MYH15: variants seen among roughly 807,000 people sequenced by gnomAD.
MYH15 encodes the protein myosin heavy chain 15, also known as myosin-15.
In MYH15, 227 loss-of-function variants were observed where a neutral mutation model predicts 240.5. The observed-to-expected ratio is 0.94, with a 90% CI of 0.85 to 1.05. The LOEUF is 1.05. MYH15 is among the 50% of genes least tolerant of loss of function. The pLI, the probability that MYH15 is intolerant of heterozygous loss-of-function variation, is 0.00. For missense variants in MYH15, 2,217 were observed against 2,247.5 expected (o/e 0.99, Z 0.27); for synonymous variants, 785 against 796.7 (o/e 0.99, Z 0.25).
At chr3:108,522,525 G>T (rs2083628200) in intron 1 of MYH15, among the ~76,000 whole-genome samples, 1 of 152,040 alleles carries the variant, frequency 6.6e-6, no homozygotes, top group Admixed American at 6.6e-5. Context: ...GAATTCCATA[G>T]AATCTATGGA....
At chr3:108,463,307 G>A (rs771738077) in intron 15 of MYH15, 64 bp from the exon 16 acceptor site, 142 of 1,519,672 alleles carry the variant, frequency 9.3e-5, no homozygotes, top group Non-Finnish European at 1.2e-4. Context: ...AACATGGAAG[G>A]CTGTGCATTA....
At chr3:108,437,233 A>G (rs1353960459) in intron 25 of MYH15, among the ~76,000 whole-genome samples, 1 of 150,374 alleles carries the variant, frequency 6.7e-6, no homozygotes, top group African/African-American at 2.5e-5. Flanking sequence ...CGTCATGAGT[A>G]AAAAGAAGAG....
At chr3:108,436,858 T>C (rs1165668394) in intron 25 of MYH15, among the ~76,000 whole-genome samples, 2 of 152,024 alleles carry the variant, frequency 1.3e-5, no homozygotes, top group African/African-American at 2.4e-5. Flanking sequence ...CTAAATAAAT[T>C]GAAAATCCCT....
intron 29 of MYH15, 53 bp downstream of exon 29, chr3:108,416,759 T>A (rs527991755): frequency 2.5e-4 from 348 of 1,415,312 alleles, no homozygotes; most frequent in African/African-American, 1.2e-3. Flanking sequence ...CACTATTTTT[T>A]AAAAAAAAAA....
intron 34 of MYH15, 72 bp downstream of exon 34, chr3:108,399,003 G>A (rs2082484192): frequency 1.3e-6 from 2 of 1,513,276 alleles, no homozygotes; most frequent in Admixed American, 1.7e-5. Context: ...AACACAATCT[G>A]TTGCTTAGTT....
At chr3:108,416,620 G>A (rs531301699) in intron 29 of MYH15, among the ~76,000 whole-genome samples, 192 bp downstream of exon 29, 93 of 152,208 alleles carry the variant, frequency 6.1e-4, no homozygotes, top group African/African-American at 2.1e-3. Flanking sequence ...AACCTGCAAC[G>A]AAGCAATTTG....
At chr3:108,523,464 C>A (rs922638081) in intron 1 of MYH15, among the ~76,000 whole-genome samples, 1 of 151,800 alleles carries the variant, frequency 6.6e-6, no homozygotes, top group African/African-American at 2.4e-5. Context: ...CTTCCAAAAA[C>A]ATTAAAGAAT....
rs1223649976 is a variant in MYH15 at position 108,398,820 on chromosome 3, A to C, written c.4950T>G (p.Asp1650Glu). The change falls in exon 35 of 41, where the codon GAT (aspartate) becomes GAG (glutamate). Residue 1650 changes from aspartate (D) to glutamate (E), a missense_variant. By Grantham distance (45) the Asp-to-Glu change is conservative (BLOSUM62 2). Coordinates refer to ENST00000693548, the MANE Select transcript of MYH15 (RefSeq NM_014981.3). ...GATCACTGTTCAGTTGTGTGCTGTC[A>C]TCCAGCTGCATTTGAAGGTCCTGGG... ...IQIKDLQMQL[D>E]DSTQLNSDLK... The C allele has an allele frequency of 4.3e-6, 7 of 1,614,216 alleles. No homozygotes were observed.
chr3:108,543,183 T>C, the MYH15 span, among the ~76,000 whole-genome samples: 1 of 152,176 alleles, frequency 6.6e-6, no homozygotes, highest in Admixed American at 6.5e-5. Flanking sequence ...CAGGTCAATC[T>C]CATTCCTTTT....
At position 108,431,940 on chromosome 3, in the gene MYH15, G is replaced by A. The variant is rs148485811; in HGVS notation, c.3222-1018C>T. Among the ~76,000 whole-genome samples the A allele has an allele frequency of 9.7e-3, 1,482 of 152,268 alleles. 16 individuals carry two copies. Among genetic ancestry groups the A allele is most frequent in the African/African-American group, 0.031 (1,293 of 41,538 alleles). On this transcript the variant is annotated intron_variant, in intron 25 of 40. Transcript: ENST00000693548. Reference sequence around the variant, plus strand: ...AAGAGACTGGTGGCATTTTGCCTCCGCTCTAGAACTTTGTGGAACTTTGAA... The same window carrying A: ...AAGAGACTGGTGGCATTTTGCCTCCACTCTAGAACTTTGTGGAACTTTGAA...
intron 27 of MYH15, among the ~76,000 whole-genome samples, chr3:108,426,452 G>A (rs922981914): frequency 1.3e-5 from 2 of 152,132 alleles, no homozygotes; most frequent in African/African-American, 4.8e-5. Context: ...TCAAGTCTTT[G>A]CTCCCCACAT....
Position 108,460,365 on chromosome 3 carries a change from T to TAG in MYH15, c.1865_1866dup (p.Ile623LeufsTer26), listed in dbSNP as rs773891078. On this transcript the variant is annotated frameshift_variant and splice_region_variant, in exon 17 of 41. Transcript: ENST00000693548. LOFTEE classifies it high-confidence loss of function. ...TTTCGTTTCTTCTCCCCAAATGGTA[T>TAG]AGCTAGCAAAAAAAAAAAAAGAAAA... 10 of 1,535,526 alleles carry TAG rather than the reference T, an allele frequency of 6.5e-6. No homozygotes were observed. Among genetic ancestry groups the TAG allele is most frequent in the Non-Finnish European group, 8.7e-6 (10 of 1,150,478 alleles).
chr3:108,410,671 G>A lies in MYH15; in HGVS notation c.4407C>T (p.Leu1469=). 6.2e-7 allele frequency: 1 copy of A among 1,614,162 alleles called. No individual in the cohort carries two copies. The highest frequency in any genetic ancestry group is 8.5e-7 in the Non-Finnish European group (1 of 1,180,038). ...LDASQKEVQA[L]STELLKLKNT... ...TCTTGAGCTTGAGGAGCTCTGTACT[G>A]AGAGCCTGAACTTCCTTCTGAGAGG... The change falls in exon 31 of 41, where the codon CTC becomes CTT. Residue 1469 remains leucine (L), a synonymous_variant. Coordinates refer to ENST00000693548, the MANE Select transcript of MYH15 (RefSeq NM_014981.3).
the MYH15 span, among the ~76,000 whole-genome samples, chr3:108,535,787 TA>T: frequency 1.3e-5 from 2 of 152,086 alleles, no homozygotes; most frequent in Non-Finnish European, 2.9e-5. Context: ...TTATAGTTAA[TA>T]AAACAGGCCA....
At chr3:108,516,894 C>T (rs2083576981) in intron 1 of MYH15, among the ~76,000 whole-genome samples, 1 of 152,188 alleles carries the variant, frequency 6.6e-6, no homozygotes, top group Non-Finnish European at 1.5e-5. Context: ...GGTCTCCAGG[C>T]AATGGAGTTT....
rs1442039698 is a variant in MYH15, at chr3:108,399,265, C to G, written c.4739G>C (p.Arg1580Thr). 8.1e-6 allele frequency: 13 copies of G among 1,605,690 alleles called. No homozygotes were observed. The highest frequency in any genetic ancestry group is 1.1e-5 in the Non-Finnish European group (13 of 1,174,552). The stretch of plus-strand genomic sequence containing the variant: ...GGAGTCAATGGTACACTGCTGCTTC[C>G]TCCTAATTTGAAATAACATTTGGAG... ...EKDEEIENFR[R>T]KQQCTIDSLQ... The change falls in exon 34 of 41, where the codon AGG (arginine) becomes ACG (threonine). Residue 1580 changes from arginine to threonine, a missense_variant and splice_region_variant. Arg to Thr is a moderately conservative substitution (Grantham distance 71). Coordinates refer to ENST00000693548, the MANE Select transcript of MYH15 (RefSeq NM_014981.3).
chr3:108,464,608 T>C, intron 15 of MYH15, 30 bp downstream of exon 15: 11 of 1,565,358 alleles, frequency 7.0e-6, no homozygotes, highest in Non-Finnish European at 9.5e-6. Flanking sequence ...GTCAGGAAAA[T>C]TCAAGACCGG....
chr3:108,482,400 A>C (rs753638202), intron 11 of MYH15, among the ~76,000 whole-genome samples: 6 of 152,114 alleles, frequency 3.9e-5, no homozygotes, highest in Non-Finnish European at 5.9e-5. Flanking sequence ...CCAGCAAAGA[A>C]CCTGAGAAGA....
chr3:108,449,644 T>C (rs2107574529), intron 21 of MYH15, among the ~76,000 whole-genome samples: 1 of 151,954 alleles, frequency 6.6e-6, no homozygotes, highest in African/African-American at 2.4e-5. Context: ...GAAGAACACT[T>C]GGGGAAAAAG....
Sources: allele counts gnomAD v4.1 joint callset (sites outside exome capture counted in the v4.1 genomes callset), GRCh38; gene constraint gnomAD v4.1.1; transcripts MANE v1.5; gene names NCBI Gene and HGNC (gene_info 2026-07-23, HGNC 2026-07-21).